SLC30A9: variants seen among roughly 807,000 people sequenced by gnomAD.
The protein encoded by SLC30A9 is proton-coupled zinc antiporter SLC30A9, mitochondrial.
Under a neutral mutation model 87.5 loss-of-function variants are expected in SLC30A9, and 58 were observed. That is an observed-to-expected ratio of 0.66 (90% CI 0.54 to 0.82). The LOEUF (loss-of-function observed/expected upper bound fraction) is 0.82, where lower values mean the gene tolerates loss of function less well. SLC30A9 is among the 40% of genes least tolerant of loss of function. SLC30A9 has a pLI of 0.00. For missense variants in SLC30A9, 557 were observed against 679.1 expected, an observed-to-expected ratio of 0.82 and a Z score of 2.00; for synonymous variants, 234 against 233.0, an observed-to-expected ratio of 1.00 and a Z score of -0.04.
intron 2 of SLC30A9, among the ~76,000 whole-genome samples, chr4:42,004,040 C>T (rs2581451): frequency 0.61 from 92,190 of 152,072 alleles, 33,357 homozygotes; most frequent in East Asian, 0.95. Context: ...TTGTTAGCCA[C>T]CTTTTCTTAT....
chr4:42,002,456 C>A (rs181201099), intron 2 of SLC30A9, among the ~76,000 whole-genome samples: 1 of 151,928 alleles, frequency 6.6e-6, no homozygotes, highest in South Asian at 2.1e-4. Flanking sequence ...TCCCCATTGC[C>A]TATTTTTGCT....
intron 8 of SLC30A9, among the ~76,000 whole-genome samples, chr4:42,048,403 C>G (rs1340639497): frequency 6.6e-6 from 1 of 151,992 alleles, no homozygotes; most frequent in Non-Finnish European, 1.5e-5. Flanking sequence ...AAGAAGTTAT[C>G]TGAGGTGGAG....
intron 6 of SLC30A9, among the ~76,000 whole-genome samples, chr4:42,027,371 T>A (rs896470050): frequency 1.3e-5 from 2 of 152,184 alleles, no homozygotes; most frequent in African/African-American, 4.8e-5. Context: ...CTGCGTGTGG[T>A]GCTCCTGTCA....
intron 10 of SLC30A9, among the ~76,000 whole-genome samples, chr4:42,062,042 A>G (rs762466897): frequency 6.6e-6 from 1 of 151,602 alleles, no homozygotes; most frequent in Non-Finnish European, 1.5e-5. Flanking sequence ...TAAAAATACA[A>G]AATTAGCTGG....
Position 42,066,646 on chromosome 4 carries a change from T to C in SLC30A9, c.1144+25T>C, listed in dbSNP as rs182724165. 8 of 1,480,130 alleles carry C rather than the reference T, an allele frequency of 5.4e-6. No individual in the cohort carries two copies. In the Admixed American group the frequency reaches 8.7e-5, roughly 16 times the overall value. The allele number at this position is 1,480,130 out of a possible 1,614,324, so 91.7% of individuals were successfully genotyped here. A position where few individuals can be genotyped will look rare whatever the true frequency, so the allele number is the denominator to read the frequency against. ...GGTATGTATTTTAGAAACCAAGTGT[T>C]TGTTTCACCTCCCTTATTTGCTTAA... On this transcript the variant is annotated intron_variant, in intron 13 of 17. Transcript: ENST00000264451.
chr4:41,996,117 A>G (rs1298161915), intron 1 of SLC30A9, among the ~76,000 whole-genome samples: 4 of 151,876 alleles, frequency 2.6e-5, no homozygotes, highest in Non-Finnish European at 4.4e-5. Flanking sequence ...TTTTTTTGAG[A>G]TGGAGTTTTG....
chr4:42,068,059 C>T (rs1280673697), intron 14 of SLC30A9, among the ~76,000 whole-genome samples: 3 of 152,102 alleles, frequency 2.0e-5, no homozygotes, highest in South Asian at 4.1e-4. Flanking sequence ...CTCACCACCC[C>T]TACTATTGCT....
intron 2 of SLC30A9, among the ~76,000 whole-genome samples, chr4:42,016,269 G>A (rs1715716535): frequency 6.6e-6 from 1 of 151,982 alleles, no homozygotes; most frequent in Admixed American, 6.6e-5. Flanking sequence ...TAAATATAAT[G>A]GAAAATGTTT....
intron 17 of SLC30A9, among the ~76,000 whole-genome samples, chr4:42,084,009 A>G (rs1279385732): frequency 6.6e-6 from 1 of 152,132 alleles, no homozygotes; most frequent in Non-Finnish European, 1.5e-5. Context: ...ATTCTGCCAG[A>G]TTTTGTTTTT....
chr4:42,052,159 A>G (rs1054541467), intron 9 of SLC30A9, among the ~76,000 whole-genome samples: 12 of 152,216 alleles, frequency 7.9e-5, no homozygotes, highest in East Asian at 5.8e-4. Context: ...AATAAATTCC[A>G]TAAGTAGTAT....
intron 8 of SLC30A9, among the ~76,000 whole-genome samples, chr4:42,045,231 T>C (rs1158498510): frequency 6.6e-6 from 1 of 151,980 alleles, no homozygotes; most frequent in Admixed American, 6.6e-5. Context: ...CTGAAAGAGA[T>C]AGAGACACCA....
chr4:42,010,709 A>G (rs1291027158), intron 2 of SLC30A9, among the ~76,000 whole-genome samples: 1 of 152,212 alleles, frequency 6.6e-6, no homozygotes, highest in African/African-American at 2.4e-5. Context: ...TTCTGATCAC[A>G]GTGGTATTGT....
intron 1 of SLC30A9, among the ~76,000 whole-genome samples, chr4:41,996,797 G>A (rs1428978702): frequency 6.6e-6 from 1 of 152,128 alleles, no homozygotes; most frequent in Non-Finnish European, 1.5e-5. Context: ...ACTTTGGGAG[G>A]CCAAGGAGGG....
At position 42,089,428 on chromosome 4, in the gene SLC30A9, T is replaced by G. The variant is rs1719027898; in HGVS notation, c.*3302T>G. The G allele has an allele frequency of 6.6e-6, 1 of 152,214 alleles. No individual in the cohort carries two copies. Among genetic ancestry groups the G allele is most frequent in the Non-Finnish European group, 1.5e-5 (1 of 68,124 alleles). The allele number at this position is 152,214 out of a possible 1,614,324, so 9.4% of individuals were successfully genotyped here. On this transcript the variant is annotated 3_prime_UTR_variant, in exon 18 of 18. Coordinates refer to ENST00000264451, the MANE Select transcript of SLC30A9 (RefSeq NM_006345.4). ...ATGAGGGGTGGAGTGTTTTTGTTTT[T>G]TTTGTTTTTTTTTGAGACAGAGTTT...
At chr4:42,019,495 A>G (rs2660315) in intron 3 of SLC30A9, among the ~76,000 whole-genome samples, 143,914 of 152,238 alleles carry the variant, frequency 0.95, 68,065 homozygotes, top group East Asian at 1. Context: ...CCTATAATCT[A>G]TAATAATTTT....
At chr4:42,010,611 G>A (rs574259892) in intron 2 of SLC30A9, among the ~76,000 whole-genome samples, 1 of 152,204 alleles carries the variant, frequency 6.6e-6, no homozygotes, top group East Asian at 1.9e-4. Context: ...ATTTCAAATA[G>A]GGCTTTGCTT....
chr4:42,012,381 T>A (rs1051693462), intron 2 of SLC30A9, among the ~76,000 whole-genome samples: 3 of 152,174 alleles, frequency 2.0e-5, no homozygotes, highest in South Asian at 4.1e-4. Context: ...TTCATAGTGA[T>A]CTAAATAATC....
chr4:42,015,136 G>T (rs1427395856), intron 2 of SLC30A9, among the ~76,000 whole-genome samples: 1 of 152,038 alleles, frequency 6.6e-6, no homozygotes, highest in Non-Finnish European at 1.5e-5. Context: ...ATTACACTTT[G>T]TATGCCTGTT....
chr4:42,052,940 T>C (rs917280989), intron 9 of SLC30A9, among the ~76,000 whole-genome samples: 1 of 152,138 alleles, frequency 6.6e-6, no homozygotes. Context: ...TAAATACGCA[T>C]AGATTGGGAG....
Sources: gnomAD v4.1 joint callset for allele counts (sites outside exome capture counted in the v4.1 genomes callset) on GRCh38, gnomAD v4.1.1 for gene constraint, MANE v1.5 for transcripts, NCBI Gene and HGNC (gene_info 2026-07-23, HGNC 2026-07-21) for gene names.